PDE8A: variants seen among roughly 807,000 people sequenced by gnomAD.
The protein encoded by PDE8A is phosphodiesterase 8A.
A neutral mutation model predicts 105.0 loss-of-function variants in PDE8A; 59 were observed. The ratio of observed to expected loss-of-function variants is 0.56; its 90% CI spans 0.46 to 0.70. The LOEUF is 0.70. Ranked by LOEUF, PDE8A falls within the 30% of genes least tolerant of loss-of-function variation. PDE8A has a pLI of 0.00. For synonymous variants in PDE8A, 355 were observed against 371.9 expected (o/e 0.95, Z 0.52); for missense variants, 1,014 against 1,045.9 (o/e 0.97, Z 0.42).
intron 1 of PDE8A, among the ~76,000 whole-genome samples, chr15:85,006,231 T>C (rs1248713915): frequency 1.3e-5 from 2 of 152,010 alleles, no homozygotes; most frequent in Non-Finnish European, 2.9e-5. Flanking sequence ...ACCGGCACAT[T>C]GTGCACATGT....
At chr15:85,101,295 C>T (rs571362302) in intron 11 of PDE8A, among the ~76,000 whole-genome samples, 195 of 152,202 alleles carry the variant, frequency 1.3e-3, no homozygotes, top group African/African-American at 4.5e-3. Context: ...AGGAACACAG[C>T]AAGTGATAAG....
intron 6 of PDE8A, among the ~76,000 whole-genome samples, chr15:85,088,094 C>G (rs1020681894): frequency 2.0e-5 from 3 of 152,220 alleles, no homozygotes; most frequent in African/African-American, 7.2e-5. Flanking sequence ...TCTCGGCTCA[C>G]TGCAACCTCT....
At chr15:85,051,719 T>G (rs2080977004) in intron 1 of PDE8A, among the ~76,000 whole-genome samples, 1 of 152,014 alleles carries the variant, frequency 6.6e-6, no homozygotes, top group Admixed American at 6.6e-5. Flanking sequence ...CAGTGTTTGG[T>G]TTTCTGTGCC....
At chr15:85,099,680 G>A in intron 9 of PDE8A, 1 of 276,552 alleles carries the variant, frequency 3.6e-6, no homozygotes, top group Admixed American at 4.9e-5. Context: ...AAGCATCAAT[G>A]TAAAGGGTTG....
At chr15:84,981,771 G>A (rs377172411), upstream of PDE8A, among the ~76,000 whole-genome samples, 52 of 151,288 alleles carry the variant, frequency 3.4e-4, no homozygotes, top group East Asian at 9.3e-3. Flanking sequence ...GCAGCTCGGC[G>A]AGGGCAGCGT....
chr15:85,131,246 T>C (rs1344740323), intron 20 of PDE8A, among the ~76,000 whole-genome samples: 1 of 152,226 alleles, frequency 6.6e-6, no homozygotes, highest in Non-Finnish European at 1.5e-5. Flanking sequence ...ATTCTGACAG[T>C]CTGTGGCTTT....
intron 19 of PDE8A, among the ~76,000 whole-genome samples, chr15:85,124,552 A>G (rs368190630): frequency 3.3e-5 from 5 of 152,012 alleles, no homozygotes; most frequent in Non-Finnish European, 7.4e-5. Flanking sequence ...TACTTCTGCA[A>G]TTCATTTGTT....
chr15:85,042,464 A>G (rs1278358643), intron 1 of PDE8A, among the ~76,000 whole-genome samples: 2 of 152,162 alleles, frequency 1.3e-5, no homozygotes, highest in African/African-American at 2.4e-5. Flanking sequence ...CAGCCAAGAG[A>G]TGGTTTTAAC....
intron 1 of PDE8A, among the ~76,000 whole-genome samples, chr15:85,011,704 A>G (rs1265836857): frequency 2.6e-5 from 4 of 152,356 alleles, no homozygotes; most frequent in Admixed American, 2.6e-4. Context: ...ATGGGATCTA[A>G]TTAAACTAAA....
At chr15:85,021,345 C>T (rs1392161015) in intron 1 of PDE8A, among the ~76,000 whole-genome samples, 1 of 151,962 alleles carries the variant, frequency 6.6e-6, no homozygotes, top group African/African-American at 2.4e-5. Flanking sequence ...AGTTCAAGAC[C>T]AGCCTAGGTG....
At chr15:85,076,418 A>G (rs1004141931) in intron 4 of PDE8A, among the ~76,000 whole-genome samples, 1 of 151,860 alleles carries the variant, frequency 6.6e-6, no homozygotes, top group Non-Finnish European at 1.5e-5. Flanking sequence ...TAAAAAAAAA[A>G]CCTGGAAGTA....
intron 1 of PDE8A, among the ~76,000 whole-genome samples, chr15:85,057,571 G>A (rs933958644): frequency 1.1e-4 from 17 of 152,116 alleles, no homozygotes; most frequent in African/African-American, 2.9e-4. Context: ...AGATGAAGCC[G>A]GTACCTCAGT....
At chr15:85,106,822 T>C (rs1043370057) in intron 11 of PDE8A, among the ~76,000 whole-genome samples, 1 of 152,222 alleles carries the variant, frequency 6.6e-6, no homozygotes, top group Non-Finnish European at 1.5e-5. Flanking sequence ...TCTGAGACGC[T>C]GAAGGATTTT....
intron 20 of PDE8A, among the ~76,000 whole-genome samples, chr15:85,131,511 T>C (rs905995821): frequency 3.3e-5 from 5 of 152,242 alleles, no homozygotes; most frequent in African/African-American, 1.2e-4. Flanking sequence ...TTAACATTAA[T>C]TGCATACATG....
chr15:85,109,403 G>A (rs536558370), intron 12 of PDE8A, among the ~76,000 whole-genome samples: 13 of 152,340 alleles, frequency 8.5e-5, no homozygotes, highest in African/African-American at 3.1e-4. Context: ...AACAGCAGAA[G>A]ATGTCAGTTC....
At position 85,061,209 on chromosome 15, in the gene PDE8A, TTTCTTTTTTATTTTTC is replaced by T. The variant is rs1437348591; in HGVS notation, c.187-3147_187-3132del. 6.6e-5 allele frequency among the ~76,000 whole-genome samples: 10 copies of T among 152,040 alleles called. No individual in the cohort carries two copies. In the South Asian group the frequency reaches 8.3e-4, roughly 13 times the overall value. On this transcript the variant is annotated intron_variant, in intron 1 of 21. Coordinates refer to ENST00000394553, the MANE Select transcript of PDE8A (RefSeq NM_002605.3). ...TGACCAGTTGCTTCTTTCTTGCTGCTTTCTTTTTTATTTTTCTTCTTTTTTATTTATTTATTTTTTT... is the reference window on the plus strand; with the variant it reads ...TGACCAGTTGCTTCTTTCTTGCTGCTTTCTTTTTTATTTATTTATTTTTTT...
rs10656480 is a variant in PDE8A at position 84,987,465 on chromosome 15, CTTT to C, written c.186+5137_186+5139del. Among the ~76,000 whole-genome samples, 10 of 92,440 alleles carry C rather than the reference CTTT, an allele frequency of 1.1e-4. No homozygotes were observed. The South Asian group carries it at 2.7e-3, about 25-fold the overall frequency. 60.6% of individuals were successfully genotyped at this position (92,440 alleles called of 152,430 possible). A position where few individuals can be genotyped will look rare whatever the true frequency, so the allele number is the denominator to read the frequency against. Reference sequence around the variant, plus strand: ...ATAGCTTACCCATTTGGATTGGTTCCTTTTTTTTTTTTTTTTTTTTTTAAAGAC... The same window carrying C: ...ATAGCTTACCCATTTGGATTGGTTCCTTTTTTTTTTTTTTTTTTTAAAGAC... On this transcript the variant is annotated intron_variant, in intron 1 of 21. Coordinates refer to ENST00000394553, the MANE Select transcript of PDE8A (RefSeq NM_002605.3).
At chr15:85,129,412 G>A (rs1326705929) in intron 20 of PDE8A, among the ~76,000 whole-genome samples, 1 of 152,164 alleles carries the variant, frequency 6.6e-6, no homozygotes, top group Non-Finnish European at 1.5e-5. Context: ...CAATCTCCTT[G>A]CTAGTCATTG....
chr15:85,033,825 G>A (rs1048013313), intron 1 of PDE8A, among the ~76,000 whole-genome samples: 3 of 152,058 alleles, frequency 2.0e-5, no homozygotes, highest in Non-Finnish European at 4.4e-5. Context: ...AGATTGTGCC[G>A]CTGCACTCCA....
Sources: gnomAD v4.1 joint callset for allele counts (sites outside exome capture counted in the v4.1 genomes callset) on GRCh38, gnomAD v4.1.1 for gene constraint, MANE v1.5 for transcripts, NCBI Gene and HGNC (gene_info 2026-07-23, HGNC 2026-07-21) for gene names.